RBM20: variants seen among roughly 807,000 people sequenced by gnomAD.
The protein encoded by RBM20 is RNA-binding protein 20.
In RBM20, 51 loss-of-function variants were observed where a neutral mutation model predicts 110.1. The observed-to-expected ratio is 0.46, with a 90% CI of 0.37 to 0.59. RBM20 has a LOEUF of 0.59. Ranked by LOEUF, RBM20 falls within the 20% of genes least tolerant of loss-of-function variation. The pLI, the probability that RBM20 is intolerant of heterozygous loss-of-function variation, is 0.00. For synonymous variants in RBM20, 589 were observed against 618.2 expected (o/e 0.95, Z 0.70); for missense variants, 1,512 against 1,574.9 (o/e 0.96, Z 0.68).
In RBM20 at chr10:110,812,726, G is replaced by T; in HGVS notation, c.2329G>T (p.Asp777Tyr). Residue 777 changes from aspartate to tyrosine, a missense_variant, in exon 9 of 14, where the codon GAT becomes TAT. Asp to Tyr is a radical substitution (Grantham distance 160). Transcript: ENST00000369519. ...KSDKYLKQQQDAPGRSRRKDE... is the reference protein window; with the variant it reads ...KSDKYLKQQQYAPGRSRRKDE... Reference sequence around the variant, plus strand: ...GGACAAGTATCTGAAGCAGCAGCAGGATGCCCCCGGGAGGTCCAGGAGGAA... The same window carrying T: ...GGACAAGTATCTGAAGCAGCAGCAGTATGCCCCCGGGAGGTCCAGGAGGAA... 1 of 1,551,750 alleles carries T rather than the reference G, an allele frequency of 6.4e-7. No individual in the cohort carries two copies. The highest frequency in any genetic ancestry group is 8.7e-7 in the Non-Finnish European group (1 of 1,147,002).
chr10:110,670,866 T>A (rs892629763), intron 1 of RBM20, among the ~76,000 whole-genome samples: 1 of 152,254 alleles, frequency 6.6e-6, no homozygotes, highest in African/African-American at 2.4e-5. Flanking sequence ...TTCTCTTTTG[T>A]GTTCCTTCCT....
intron 1 of RBM20, among the ~76,000 whole-genome samples, chr10:110,699,183 G>A (rs17127823): frequency 0.1 from 15,509 of 151,610 alleles, 948 homozygotes; most frequent in Admixed American, 0.16. Flanking sequence ...ATGGAGATCC[G>A]GCAGGCAGTG....
At chr10:110,693,996 T>A (rs1862626026) in intron 1 of RBM20, among the ~76,000 whole-genome samples, 1 of 152,226 alleles carries the variant, frequency 6.6e-6, no homozygotes, top group Non-Finnish European at 1.5e-5. Context: ...CTCCATTTTC[T>A]TATCAGACAC....
chr10:110,812,662 T>G lies in RBM20; in HGVS notation c.2265T>G (p.Arg755=). The change falls in exon 9 of 14, where the codon CGT becomes CGG. Residue 755 remains arginine (R), a synonymous_variant. Coordinates refer to ENST00000369519, the MANE Select transcript of RBM20 (RefSeq NM_001134363.3). ...LPHSVSSYKS[R]EDGYYRKEPK... The stretch of plus-strand genomic sequence containing the variant: ...ACTCTGTGTCCAGCTACAAAAGCCG[T>G]GAAGACGGCTACTACCGGAAAGAGC... 1 of 1,551,558 alleles carries G rather than the reference T, an allele frequency of 6.4e-7. No homozygotes were observed. The highest frequency in any genetic ancestry group is 8.7e-7 in the Non-Finnish European group (1 of 1,146,972).
At chr10:110,793,170 TG>T (rs1844505543) in intron 5 of RBM20, among the ~76,000 whole-genome samples, 1 of 152,212 alleles carries the variant, frequency 6.6e-6, no homozygotes, top group African/African-American at 2.4e-5. Flanking sequence ...AGTTTGTCTC[TG>T]TCATGCACCT....
intron 1 of RBM20, among the ~76,000 whole-genome samples, chr10:110,679,236 T>C (rs1194957109): frequency 6.6e-6 from 1 of 152,232 alleles, no homozygotes; most frequent in Non-Finnish European, 1.5e-5. Flanking sequence ...TTTTTAATTT[T>C]TTTTAGAGAT....
intron 1 of RBM20, among the ~76,000 whole-genome samples, chr10:110,764,301 C>T (rs946365931): frequency 6.6e-6 from 1 of 152,082 alleles, no homozygotes; most frequent in East Asian, 1.9e-4. Flanking sequence ...AGACCACCAC[C>T]ACCACCACCC....
intron 1 of RBM20, among the ~76,000 whole-genome samples, chr10:110,758,014 CT>C (rs760246427): frequency 0.01 from 836 of 79,850 alleles, 7 homozygotes; most frequent in East Asian, 0.051. Context: ...GATCCTTGTT[CT>C]TTTTTTTTTT....
Position 110,821,564 on chromosome 10 carries a change from G to A in RBM20, c.2945G>A (p.Arg982Lys), listed in dbSNP as rs1387852539. The A allele has an allele frequency of 6.4e-7, 1 of 1,551,172 alleles. No individual in the cohort carries two copies. The stretch of plus-strand genomic sequence containing the variant: ...GCAGAAATCAGCCTCAAGTCACCCA[G>A]AGAACTGCCCTCTGCTTCCACAAGC... Reference protein sequence around the residue: ...GAAEISLKSPRELPSASTSCP... With the variant: ...GAAEISLKSPKELPSASTSCP... Residue 982 changes from arginine (R) to lysine (K), a missense_variant, in exon 11 of 14, where the codon AGA becomes AAA. Arg to Lys is a conservative substitution (Grantham distance 26, BLOSUM62 2). This residue lies in a region of RBM20 where 358 missense variants were observed against 384.2 expected (regional missense o/e 0.93). Transcript: ENST00000369519.
At position 110,739,700 on chromosome 10, in the gene RBM20, T is replaced by C. The variant is rs748082551; in HGVS notation, c.192-41101T>C. 8.5e-5 allele frequency among the ~76,000 whole-genome samples: 13 copies of C among 152,176 alleles called. No homozygotes were observed. The highest frequency in any genetic ancestry group is 1.9e-4 in the Non-Finnish European group (13 of 68,026). Reference sequence around the variant, plus strand: ...TGGGACGCTTCCTTGTGGTACGACTTGGGGCAACTTTGATCTTCTAAATGG... The same window carrying C: ...TGGGACGCTTCCTTGTGGTACGACTCGGGGCAACTTTGATCTTCTAAATGG... On this transcript the variant is annotated intron_variant, in intron 1 of 13. Coordinates refer to ENST00000369519, the MANE Select transcript of RBM20 (RefSeq NM_001134363.3). The surrounding 1 kb of genome is among the most constrained non-coding windows in gnomAD (Gnocchi z 4.1).
chr10:110,807,196 G>A (rs1223898247), intron 7 of RBM20, among the ~76,000 whole-genome samples: 1 of 152,182 alleles, frequency 6.6e-6, no homozygotes, highest in Non-Finnish European at 1.5e-5. Context: ...TCCATGCCAG[G>A]CTCTGTGCTG....
chr10:110,682,183 C>T (rs1590614060), intron 1 of RBM20, among the ~76,000 whole-genome samples: 1 of 152,228 alleles, frequency 6.6e-6, no homozygotes, highest in Non-Finnish European at 1.5e-5. Context: ...TGAGCCATCA[C>T]ATCTGGCCTT....
At chr10:110,674,872 C>T (rs1862315701) in intron 1 of RBM20, among the ~76,000 whole-genome samples, 1 of 152,168 alleles carries the variant, frequency 6.6e-6, no homozygotes, top group South Asian at 2.1e-4. Context: ...TGTGTGTGTG[C>T]ACACACTAGC....
chr10:110,732,079 C>G (rs1843625498), intron 1 of RBM20, among the ~76,000 whole-genome samples: 1 of 152,162 alleles, frequency 6.6e-6, no homozygotes, highest in South Asian at 2.1e-4. Flanking sequence ...CACTTTTTAT[C>G]TTAATAACCA....
intron 1 of RBM20, among the ~76,000 whole-genome samples, chr10:110,740,091 A>G (rs553986915): frequency 6.6e-6 from 1 of 152,382 alleles, no homozygotes; most frequent in South Asian, 2.1e-4. Context: ...AAACAGGTTC[A>G]TTGTCAAGGC....
intron 12 of RBM20, among the ~76,000 whole-genome samples, chr10:110,828,047 CGCG>C (rs1564666915): frequency 1.3e-5 from 2 of 152,282 alleles, no homozygotes; most frequent in East Asian, 3.9e-4. Flanking sequence ...CCCTGGCCAG[CGCG>C]AGCCTGCCAA....
intron 1 of RBM20, among the ~76,000 whole-genome samples, chr10:110,731,334 G>A (rs1446897819): frequency 1.3e-5 from 2 of 152,134 alleles, no homozygotes; most frequent in Non-Finnish European, 2.9e-5. Flanking sequence ...AATGAAACAA[G>A]GAAGATGGCA....
intron 1 of RBM20, among the ~76,000 whole-genome samples, chr10:110,647,775 TC>T (rs1346702686): frequency 3.9e-5 from 6 of 152,226 alleles, no homozygotes; most frequent in African/African-American, 1.4e-4. Flanking sequence ...TCAAACCTAA[TC>T]CTTTATTTAT....
intron 7 of RBM20, among the ~76,000 whole-genome samples, chr10:110,802,597 T>C (rs893256213): frequency 1.3e-5 from 2 of 152,214 alleles, no homozygotes; most frequent in African/African-American, 4.8e-5. Context: ...AGTAATTGGC[T>C]TCTTAAATTA....
Sources: gnomAD v4.1 joint callset for allele counts (sites outside exome capture counted in the v4.1 genomes callset) on GRCh38, gnomAD v4.1.1 for gene constraint, gnomAD v4.1.1 regional missense constraint, Gnocchi (gnomAD v3.1) non-coding constraint, MANE v1.5 for transcripts, NCBI Gene and HGNC (gene_info 2026-07-23, HGNC 2026-07-21) for gene names.